Variants in CSMD1 observed in about 807,000 individuals in gnomAD.
CSMD1 encodes CUB and sushi domain-containing protein 1.
A neutral mutation model predicts 417.5 loss-of-function variants in CSMD1; 213 were observed. The ratio of observed to expected loss-of-function variants is 0.51; its 90% CI spans 0.46 to 0.57. CSMD1 has a LOEUF of 0.57. CSMD1 is among the 20% of genes least tolerant of loss of function. The pLI is 0.00. For synonymous variants in CSMD1, 2,862 were observed against 1,736.8 expected (o/e 1.65, Z -16.11); for missense variants, 6,923 against 4,529.7 (o/e 1.53, Z -15.17).
intron 2 of CSMD1, among the ~76,000 whole-genome samples, chr8:4,551,275 A>C (rs764539502): frequency 6.6e-6 from 1 of 151,960 alleles, no homozygotes; most frequent in South Asian, 2.1e-4. Flanking sequence ...TTAAAATCCA[A>C]CTGACTCAAG....
chr8:3,665,954 T>G (rs967013924), intron 7 of CSMD1, among the ~76,000 whole-genome samples: 3 of 152,108 alleles, frequency 2.0e-5, no homozygotes, highest in African/African-American at 7.2e-5. Flanking sequence ...CTCAGCTCAC[T>G]GCAACCTCCA....
chr8:4,324,056 T>G (rs1296109865), intron 3 of CSMD1, among the ~76,000 whole-genome samples: 1 of 152,104 alleles, frequency 6.6e-6, no homozygotes. Flanking sequence ...TAGTTCAAAT[T>G]TACCCGAGGC....
intron 49 of CSMD1, among the ~76,000 whole-genome samples, chr8:3,058,060 A>G (rs564481243): frequency 2.0e-5 from 3 of 152,138 alleles, no homozygotes; most frequent in African/African-American, 4.8e-5. Flanking sequence ...TTCTACCCCA[A>G]ATATTCTTCT....
At chr8:3,476,410 T>G (rs1316371066) in intron 11 of CSMD1, among the ~76,000 whole-genome samples, 2 of 152,216 alleles carry the variant, frequency 1.3e-5, no homozygotes, top group East Asian at 3.9e-4. Flanking sequence ...AGAGTTACTA[T>G]AAACATTCAC....
At chr8:3,214,291 C>A (rs1453316452) in intron 30 of CSMD1, among the ~76,000 whole-genome samples, 4 of 152,044 alleles carry the variant, frequency 2.6e-5, no homozygotes, top group Non-Finnish European at 5.9e-5. Flanking sequence ...AAATATTGCT[C>A]CTCCCAGAAA....
chr8:4,201,715 A>G (rs1488064070), intron 3 of CSMD1, among the ~76,000 whole-genome samples: 1 of 152,132 alleles, frequency 6.6e-6, no homozygotes, highest in African/African-American at 2.4e-5. Context: ...AAGAGCTAGG[A>G]AAAATAGTTT....
At chr8:3,509,598 T>G (rs1227489247) in intron 10 of CSMD1, among the ~76,000 whole-genome samples, 1 of 152,186 alleles carries the variant, frequency 6.6e-6, no homozygotes, top group South Asian at 2.1e-4. Flanking sequence ...AGAAGCTATA[T>G]CTAGTGGATA....
chr8:4,541,057 A>G (rs1797360031), intron 2 of CSMD1, among the ~76,000 whole-genome samples: 1 of 152,228 alleles, frequency 6.6e-6, no homozygotes, highest in Non-Finnish European at 1.5e-5. Flanking sequence ...CGATTGTTAG[A>G]AACTCTAAGG....
At chr8:4,700,996 G>C (rs1049559049) in intron 1 of CSMD1, among the ~76,000 whole-genome samples, 1 of 152,140 alleles carries the variant, frequency 6.6e-6, no homozygotes, top group African/African-American at 2.4e-5. Context: ...GTGAGTTTAG[G>C]AGCTGGGGTT....
At chr8:4,448,293 G>C (rs562126213) in intron 2 of CSMD1, among the ~76,000 whole-genome samples, 3 of 152,248 alleles carry the variant, frequency 2.0e-5, no homozygotes, top group South Asian at 4.1e-4. Context: ...ACACAAAAAA[G>C]GGTACATTTT....
At chr8:3,017,706 C>T (rs1808962665) in intron 52 of CSMD1, among the ~76,000 whole-genome samples, 1 of 146,144 alleles carries the variant, frequency 6.8e-6, no homozygotes, top group African/African-American at 2.5e-5. Context: ...ACAGGTTTTG[C>T]TATTTGAAGT....
chr8:3,878,684 G>C (rs1057462032), intron 5 of CSMD1, among the ~76,000 whole-genome samples: 5 of 152,148 alleles, frequency 3.3e-5, no homozygotes, highest in African/African-American at 9.7e-5. Flanking sequence ...ACTAGTCTGA[G>C]TTGCTAGTAT....
chr8:4,504,117 G>A (rs1470314801), intron 2 of CSMD1, among the ~76,000 whole-genome samples: 7 of 152,118 alleles, frequency 4.6e-5, no homozygotes, highest in Non-Finnish European at 1.0e-4. Flanking sequence ...AAAATGTGGT[G>A]TATATATAGC....
chr8:4,206,437 T>A (rs74748653), intron 3 of CSMD1, among the ~76,000 whole-genome samples: 1 of 152,140 alleles, frequency 6.6e-6, no homozygotes, highest in African/African-American at 2.4e-5. Context: ...CATGCGGTGT[T>A]TGGTTTTCTG....
chr8:3,009,931 C>G (rs556587074), intron 52 of CSMD1, among the ~76,000 whole-genome samples: 4 of 152,200 alleles, frequency 2.6e-5, no homozygotes, highest in Non-Finnish European at 2.9e-5. Context: ...CCAGGGCCAT[C>G]ATTTGGACTG....
At chr8:4,420,276 T>C (rs1315826036) in intron 2 of CSMD1, among the ~76,000 whole-genome samples, 1 of 152,186 alleles carries the variant, frequency 6.6e-6, no homozygotes, top group Non-Finnish European at 1.5e-5. Context: ...TTAAATAACT[T>C]GAGAGAATTT....
At chr8:3,234,229 A>G (rs1799019947) in intron 26 of CSMD1, among the ~76,000 whole-genome samples, 1 of 152,088 alleles carries the variant, frequency 6.6e-6, no homozygotes, top group South Asian at 2.1e-4. Flanking sequence ...ATCAACCGGG[A>G]TTCCTTATTT....
At position 3,795,324 on chromosome 8, in the gene CSMD1, TAG is replaced by T. The variant is rs1376753567; in HGVS notation, c.819-41284_819-41283del. On this transcript the variant is annotated intron_variant, in intron 5 of 69. Transcript: ENST00000635120. ...TATATATATCTATCATGTACAGATA[TAG>T]ATATCTATCATGTAGATATAGATAT... Among the ~76,000 whole-genome samples, 2 of 47,016 alleles carry T rather than the reference TAG, an allele frequency of 4.3e-5. 1 individual carries two copies. Among genetic ancestry groups the T allele is most frequent in the African/African-American group, 2.1e-4 (2 of 9,696 alleles). The allele number at this position is 47,016 out of a possible 152,430, so 30.8% of individuals were successfully genotyped here. A position where few individuals can be genotyped will look rare whatever the true frequency, so the allele number is the denominator to read the frequency against.
chr8:3,278,421 T>A (rs1441639496), intron 26 of CSMD1: 5 of 152,184 alleles, frequency 3.3e-5, no homozygotes, highest in African/African-American at 7.2e-5. Flanking sequence ...GTTACTGACA[T>A]AGAATCAAGT....
Sources: allele counts gnomAD v4.1 joint callset (sites outside exome capture counted in the v4.1 genomes callset), GRCh38; gene constraint gnomAD v4.1.1; transcripts MANE v1.5; gene names NCBI Gene and HGNC (gene_info 2026-07-23, HGNC 2026-07-21).